HMGXB3: variants seen among roughly 807,000 people sequenced by gnomAD.
HMGXB3 encodes the protein HMG-box containing 3, also known as HMG domain-containing protein 3.
In HMGXB3, 45 loss-of-function variants were observed where a neutral mutation model predicts 121.5. The observed-to-expected ratio is 0.37, with a 90% CI of 0.29 to 0.47. HMGXB3 has a LOEUF of 0.47. HMGXB3 is among the 20% of genes least tolerant of loss of function. The probability of loss-of-function intolerance (pLI) is 0.99; values close to 1 mark genes in which losing one functional copy is unlikely to be tolerated. For synonymous variants in HMGXB3, 590 were observed against 624.1 expected, an observed-to-expected ratio of 0.95 and a Z score of 0.81; for missense variants, 1,376 against 1,602.2, an observed-to-expected ratio of 0.86 and a Z score of 2.41.
chr5:150,045,760 T>C lies in HMGXB3; in HGVS notation c.2950+75T>C, dbSNP rs1756740653. On this transcript the variant is annotated intron_variant, in intron 16 of 19. Coordinates refer to ENST00000502717, the MANE Select transcript of HMGXB3 (RefSeq NM_014983.3). Reference sequence around the variant, plus strand: ...GTCTGGGACATTGTCCATGGCAAGATAGCACAGTGGTAGCGAGAGGGCCAG... The same window carrying C: ...GTCTGGGACATTGTCCATGGCAAGACAGCACAGTGGTAGCGAGAGGGCCAG... The C allele has an allele frequency of 4.2e-6, 5 of 1,199,446 alleles. No homozygotes were observed. The Admixed American group carries it at 1.0e-4, about 24-fold the overall frequency. 74.3% of individuals were successfully genotyped at this position (1,199,446 alleles called of 1,614,324 possible). A position where few individuals can be genotyped will look rare whatever the true frequency, so the allele number is the denominator to read the frequency against.
At position 150,052,015 on chromosome 5, in the gene HMGXB3, C is replaced by T. The variant is rs1756920163; in HGVS notation, c.3702C>T (p.Leu1234=). ...NATHYYLYNR[L]MDFLTSREIV... ...CTCACTATTACCTCTACAACCGCCT[C>T]ATGGACTTCCTCACCAGCCGCGAAA... The change falls in exon 20 of 20, where the codon CTC becomes CTT. Residue 1234 remains leucine, a synonymous_variant. Transcript: ENST00000502717. The T allele has an allele frequency of 3.9e-6, 6 of 1,552,034 alleles. No homozygotes were observed. Among genetic ancestry groups the T allele is most frequent in the East Asian group, 2.4e-5 (1 of 40,924 alleles).
At chr5:150,047,407 A>C in intron 16 of HMGXB3, 1 of 548,334 alleles carries the variant, frequency 1.8e-6, no homozygotes, top group Non-Finnish European at 3.2e-6. Flanking sequence ...GGCGGTATGC[A>C]GGATATCTCA....
chr5:150,001,930 G>A, intron 1 of HMGXB3, among the ~76,000 whole-genome samples: 1 of 152,142 alleles, frequency 6.6e-6, no homozygotes, highest in East Asian at 1.9e-4. Context: ...TCAATTCAGG[G>A]CAAAAAAGCG....
chr5:150,048,475 T>C (rs760271562), intron 17 of HMGXB3, 94 bp from the exon 18 acceptor site: 1 of 862,398 alleles, frequency 1.2e-6, no homozygotes, highest in African/African-American at 1.7e-5. Context: ...TTTATTCTTT[T>C]GCTTTGGGTG....
chr5:150,028,454 ATATATG>A (rs1488800921), intron 9 of HMGXB3, among the ~76,000 whole-genome samples: 1 of 143,906 alleles, frequency 6.9e-6, no homozygotes, highest in African/African-American at 2.5e-5. Flanking sequence ...GTGTGTATAT[ATATATG>A]TATATATATG....
intron 9 of HMGXB3, 126 bp downstream of exon 9, chr5:150,027,243 C>T: frequency 1.7e-6 from 1 of 599,878 alleles, no homozygotes; most frequent in Non-Finnish European, 2.8e-6. Flanking sequence ...TGGAGGTTAA[C>T]ATGAATGATT....
intron 18 of HMGXB3, among the ~76,000 whole-genome samples, chr5:150,049,504 A>T (rs1756842558): frequency 6.6e-6 from 1 of 152,196 alleles, no homozygotes; most frequent in South Asian, 2.1e-4. Context: ...AGCTGTAAAA[A>T]GAGAATCCAG....
chr5:150,005,379 C>A (rs1296589017), intron 2 of HMGXB3, among the ~76,000 whole-genome samples: 3 of 152,138 alleles, frequency 2.0e-5, no homozygotes, highest in Admixed American at 2.0e-4. Context: ...ACGGGTGGAT[C>A]ACCTGAGGTC....
chr5:150,036,517 G>A, intron 11 of HMGXB3, 119 bp from the exon 12 acceptor site: 1 of 863,410 alleles, frequency 1.2e-6, no homozygotes. Context: ...AGGAACCTAG[G>A]TTTGCCACCT....
rs1756508657 is a variant in HMGXB3 at position 150,036,735 on chromosome 5, A to G, written c.2083A>G (p.Lys695Glu). 1.9e-6 allele frequency: 3 copies of G among 1,551,684 alleles called. No individual in the cohort carries two copies. Among genetic ancestry groups the G allele is most frequent in the East Asian group, 4.9e-5 (2 of 40,924 alleles). The stretch of plus-strand genomic sequence containing the variant: ...CCAGTCCACACTGCAGCTGCTGCGC[A>G]AAGTCCTGCAGATTCCTGAGAATGA... The part of the protein sequence containing the change: ...QRQSTLQLLR[K>E]VLQIPENESE... The change falls in exon 12 of 20, where the codon AAA becomes GAA. Residue 695 changes from lysine to glutamate, a missense_variant. Physicochemically the swap from Lys to Glu is moderately conservative, Grantham distance 56. Around this residue, in one of 2 missense-constraint regions of HMGXB3, gnomAD observed 1,116 missense variants for 1,369.0 expected, o/e 0.82. Transcript: ENST00000502717.
intron 11 of HMGXB3, among the ~76,000 whole-genome samples, chr5:150,033,698 G>T (rs1026135002): frequency 6.6e-6 from 1 of 152,176 alleles, no homozygotes; most frequent in Non-Finnish European, 1.5e-5. Context: ...GAGGCCTAGA[G>T]GAAAGTTATT....
chr5:150,029,904 G>A (rs1258999371), intron 9 of HMGXB3, among the ~76,000 whole-genome samples: 5 of 152,064 alleles, frequency 3.3e-5, no homozygotes, highest in African/African-American at 7.3e-5. Flanking sequence ...GGTTAGCGTC[G>A]GTAGTTTTGT....
intron 2 of HMGXB3, among the ~76,000 whole-genome samples, chr5:150,005,529 G>T (rs778829823): frequency 3.3e-5 from 5 of 151,376 alleles, no homozygotes; most frequent in Non-Finnish European, 5.9e-5. Context: ...AATCTGGGAG[G>T]CGGAGGTTGC....
intron 18 of HMGXB3, 22 bp downstream of exon 18, chr5:150,048,707 G>C: frequency 6.8e-7 from 1 of 1,466,882 alleles, no homozygotes; most frequent in Middle Eastern, 1.7e-4. Context: ...ACTAGGGGGA[G>C]CTTGGAGTGA....
At chr5:150,050,530 G>A in intron 19 of HMGXB3, 69 bp downstream of exon 19, 1 of 1,227,194 alleles carries the variant, frequency 8.1e-7, no homozygotes, top group Non-Finnish European at 1.2e-6. Context: ...CACCCAGGCT[G>A]GAGTGCAGTG....
chr5:150,049,494 A>G (rs1756842259), intron 18 of HMGXB3, among the ~76,000 whole-genome samples: 1 of 152,124 alleles, frequency 6.6e-6, no homozygotes. Context: ...AGGGGGATCT[A>G]GCTGTAAAAA....
In HMGXB3 at chr5:150,037,490, T is replaced by C. The variant is rs1318991018; in HGVS notation, c.2376T>C (p.His792=). 1.9e-6 allele frequency: 3 copies of C among 1,551,122 alleles called. No individual in the cohort carries two copies. Among genetic ancestry groups the C allele is most frequent in the African/African-American group, 1.4e-5 (1 of 73,006 alleles). Residue 792 remains histidine, a synonymous_variant, in exon 13 of 20, where the codon CAT becomes CAC. Transcript: ENST00000502717. The stretch of plus-strand genomic sequence containing the variant: ...AGGTGAAGATGTGTCTGAACCCCCA[T>C]TGTCTGGCCCTGCACAGCTTCATAG... ...TAQVKMCLNP[H]CLALHSFIDI... is the part of the protein sequence containing the mutation.
At chr5:150,012,020 T>G (rs1271929397) in intron 4 of HMGXB3, among the ~76,000 whole-genome samples, 2 of 152,252 alleles carry the variant, frequency 1.3e-5, no homozygotes, top group African/African-American at 2.4e-5. Flanking sequence ...CCTAAATGTC[T>G]TAGAACCTCA....
intron 13 of HMGXB3, among the ~76,000 whole-genome samples, chr5:150,038,040 G>T (rs1756539374): frequency 6.6e-6 from 1 of 152,182 alleles, no homozygotes; most frequent in Non-Finnish European, 1.5e-5. Context: ...TTATAGGGAT[G>T]TATGGTGCTC....
Sources: allele counts gnomAD v4.1 joint callset (sites outside exome capture counted in the v4.1 genomes callset), GRCh38; gene constraint gnomAD v4.1.1; regional missense constraint gnomAD v4.1.1; transcripts MANE v1.5; gene names NCBI Gene and HGNC (gene_info 2026-07-23, HGNC 2026-07-21).